TNS4: variants seen among roughly 807,000 people sequenced by gnomAD.
TNS4 encodes tensin-4.
Under a neutral mutation model 70.4 loss-of-function variants are expected in TNS4, and 46 were observed. That is an observed-to-expected ratio of 0.65 (90% CI 0.52 to 0.84). The LOEUF is 0.84. Among genes scored for constraint, TNS4 ranks in the 40% least tolerant of loss-of-function variants. The probability of loss-of-function intolerance (pLI) is 0.00; values close to 1 mark genes in which losing one functional copy is unlikely to be tolerated. For synonymous variants in TNS4, 390 were observed against 366.6 expected, an observed-to-expected ratio of 1.06 and a Z score of -0.73; for missense variants, 863 against 907.0, an observed-to-expected ratio of 0.95 and a Z score of 0.62.
intron 10 of TNS4, among the ~76,000 whole-genome samples, chr17:40,479,357 G>C (rs2035891281): frequency 6.6e-6 from 1 of 152,136 alleles, no homozygotes; most frequent in African/African-American, 2.4e-5. Context: ...ATGTTGACCA[G>C]GCTGGTCTCG....
At chr17:40,479,208 C>T (rs1456510319) in intron 10 of TNS4, among the ~76,000 whole-genome samples, 7 of 152,240 alleles carry the variant, frequency 4.6e-5, no homozygotes, top group African/African-American at 1.2e-4. Context: ...AGTGCAATGG[C>T]GTGCTCTCAG....
At position 40,476,260 on chromosome 17, in the gene TNS4, G is replaced by C. The variant is rs1415251692; in HGVS notation, c.*1328C>G. 2 of 151,970 alleles carry C rather than the reference G, an allele frequency of 1.3e-5. No individual in the cohort carries two copies. The highest frequency in any genetic ancestry group is 3.9e-4 in the East Asian group (2 of 5,168). 9.4% of individuals were successfully genotyped at this position (151,970 alleles called of 1,614,324 possible). A position where few individuals can be genotyped will look rare whatever the true frequency, so the allele number is the denominator to read the frequency against. On this transcript the variant is annotated 3_prime_UTR_variant, in exon 13 of 13. Transcript: ENST00000254051. ...GTGGGGTGGGGGTGGGTGTGGGATAGAGCCCAGCTCCTCCAAGCCTCTTAG... is the reference window on the plus strand; with the variant it reads ...GTGGGGTGGGGGTGGGTGTGGGATACAGCCCAGCTCCTCCAAGCCTCTTAG...
rs1453730926 is a variant in TNS4, at chr17:40,482,373, C to T, written c.1545G>A (p.Ser515=). 26 of 1,613,996 alleles carry T rather than the reference C, an allele frequency of 1.6e-5. No homozygotes were observed. Among genetic ancestry groups the T allele is most frequent in the African/African-American group, 9.3e-5 (7 of 74,920 alleles). ...CTTTGAGATGCACTCCTTTGGCAGACGACTCGATGAGGAAGTGTCGGATGA... is the reference window on the plus strand; with the variant it reads ...CTTTGAGATGCACTCCTTTGGCAGATGACTCGATGAGGAAGTGTCGGATGA... ...NDLIRHFLIE[S]SAKGVHLKGA... The change falls in exon 7 of 13, where the codon TCG becomes TCA. Residue 515 remains serine (S), a synonymous_variant. Coordinates refer to ENST00000254051, the MANE Select transcript of TNS4 (RefSeq NM_032865.6).
In TNS4 at chr17:40,479,834, TGTG is replaced by T; in HGVS notation, c.1747_1749del (p.His583del). On this transcript the variant is annotated inframe_deletion, in exon 10 of 13. Coordinates refer to ENST00000254051, the MANE Select transcript of TNS4 (RefSeq NM_032865.6). ...ACGCTCACTGAGCTCAGGTACAGGG[TGTG>T]GCAGCCTGTGGGAGGCAGACACTGC... 1.2e-6 allele frequency: 2 copies of T among 1,610,222 alleles called. No individual in the cohort carries two copies. The highest frequency in any genetic ancestry group is 1.7e-6 in the Non-Finnish European group (2 of 1,178,558).
rs2035968226 is a variant in TNS4 at position 40,484,625 on chromosome 17, A to C, written c.1376-16T>G. ...AGCTCGATTGCTGGAACAATCCTTG[A>C]GTCAGAGATGGACACCGCCCCACCT... On this transcript the variant is annotated splice_polypyrimidine_tract_variant and intron_variant, in intron 5 of 12. Coordinates refer to ENST00000254051, the MANE Select transcript of TNS4 (RefSeq NM_032865.6). 6.2e-7 allele frequency: 1 copy of C among 1,610,976 alleles called. No individual in the cohort carries two copies. Among genetic ancestry groups the C allele is most frequent in the Non-Finnish European group, 8.5e-7 (1 of 1,179,934 alleles).
At chr17:40,486,532 A>AT (rs78348746) in intron 4 of TNS4, among the ~76,000 whole-genome samples, 3,260 of 131,990 alleles carry the variant, frequency 0.025, 86 homozygotes, top group African/African-American at 0.061. Context: ...GGCAAATTCC[A>AT]TTTTTTTTTT....
At chr17:40,479,895 C>T in intron 9 of TNS4, 53 bp from the exon 10 acceptor site, 1 of 1,546,764 alleles carries the variant, frequency 6.5e-7, no homozygotes, top group East Asian at 2.4e-5. Context: ...CCAGGTTCTC[C>T]CTCTGCCCAG....
intron 4 of TNS4, among the ~76,000 whole-genome samples, chr17:40,485,484 A>G (rs1567810600): frequency 6.6e-6 from 1 of 152,360 alleles, no homozygotes; most frequent in East Asian, 1.9e-4. Context: ...TCTGGGCAGA[A>G]AAACATGCCC....
At chr17:40,492,518 C>T (rs2036087232) in intron 2 of TNS4, among the ~76,000 whole-genome samples, 2 of 152,168 alleles carry the variant, frequency 1.3e-5, no homozygotes, top group East Asian at 3.9e-4. Context: ...CAAGTTCATG[C>T]CATCACACCC....
intron 1 of TNS4, among the ~76,000 whole-genome samples, chr17:40,497,330 G>A (rs777075946): frequency 5.9e-5 from 9 of 152,168 alleles, no homozygotes; most frequent in East Asian, 3.8e-4. Flanking sequence ...TGAGCTGGGC[G>A]TGATGGCTCA....
At chr17:40,479,926 C>A in intron 9 of TNS4, 84 bp from the exon 10 acceptor site, 1 of 1,463,744 alleles carries the variant, frequency 6.8e-7, no homozygotes, top group Non-Finnish European at 9.1e-7. Flanking sequence ...GGGGGTGAGT[C>A]TCCTGTTCAG....
intron 9 of TNS4, 79 bp downstream of exon 9, chr17:40,480,621 T>G (rs1481167774): frequency 7.4e-7 from 1 of 1,343,712 alleles, no homozygotes; most frequent in African/African-American, 1.5e-5. Flanking sequence ...TGTGCGTGCA[T>G]GCGTGCGTGT....
chr17:40,485,139 T>A, intron 4 of TNS4, 132 bp from the exon 5 acceptor site: 1 of 707,016 alleles, frequency 1.4e-6, no homozygotes, highest in Non-Finnish European at 2.4e-6. Flanking sequence ...TCCCAGACCC[T>A]AACCCCATTG....
At chr17:40,495,213 T>C (rs975950438) in intron 2 of TNS4, among the ~76,000 whole-genome samples, 4 of 152,328 alleles carry the variant, frequency 2.6e-5, no homozygotes, top group Admixed American at 2.0e-4. Context: ...CCAATTATTT[T>C]ACGACAGTGT....
rs144736282 is a variant in TNS4, at chr17:40,480,738, G to A, written c.1703C>T (p.Ser568Phe). 6 of 1,593,606 alleles carry A rather than the reference G, an allele frequency of 3.8e-6. No individual in the cohort carries two copies. In the African/African-American group the frequency reaches 4.1e-5, roughly 11 times the overall value. Residue 568 changes from serine (S) to phenylalanine (F), a missense_variant, in exon 9 of 13, where the codon TCT (serine) becomes TTT (phenylalanine). By Grantham distance (155) the Ser-to-Phe change is radical (BLOSUM62 -2). Transcript: ENST00000254051. ...ELGGADGASD[S>F]TDSPASCQKK... ...CTGGCAGGAGGCTGGGCTGTCTGTA[G>A]AGTCCGAGGCCCCATCTGCACCTCC...
chr17:40,493,864 C>A (rs1567814079), intron 2 of TNS4, among the ~76,000 whole-genome samples: 1 of 152,268 alleles, frequency 6.6e-6, no homozygotes, highest in Non-Finnish European at 1.5e-5. Context: ...TTTGCCCCAG[C>A]TGGCCTTGGA....
rs200585789 is a variant in TNS4, at chr17:40,477,591, C to T, written c.2145G>A (p.Met715Ile). 6.2e-7 allele frequency: 1 copy of T among 1,614,040 alleles called. No homozygotes were observed. The highest frequency in any genetic ancestry group is 1.7e-5 in the Admixed American group (1 of 60,016). Residue 715 changes from methionine (M) to isoleucine (I), a missense_variant, in exon 13 of 13, where the codon ATG (methionine) becomes ATA (isoleucine). By Grantham distance (10) the Met-to-Ile change is conservative (BLOSUM62 1). Coordinates refer to ENST00000254051, the MANE Select transcript of TNS4 (RefSeq NM_032865.6). Reference protein sequence around the residue: ...VTALLQDAERM With the variant: ...VTALLQDAERI ...AGGTGCACAGGCAGTCTCTCCCCTACATCCTTTCTGCGTCCTGCAGCAGAG... is the reference window on the plus strand; with the variant it reads ...AGGTGCACAGGCAGTCTCTCCCCTATATCCTTTCTGCGTCCTGCAGCAGAG...
intron 10 of TNS4, 55 bp from the exon 11 acceptor site, chr17:40,478,703 C>T (rs1411652895): frequency 3.2e-6 from 5 of 1,583,028 alleles, no homozygotes; most frequent in Admixed American, 1.7e-5. Context: ...CAGTGTCATC[C>T]TGCCTCCAGC....
chr17:40,482,796 TC>T (rs1304241533), intron 6 of TNS4, among the ~76,000 whole-genome samples: 1 of 151,436 alleles, frequency 6.6e-6, no homozygotes, highest in Non-Finnish European at 1.5e-5. Context: ...AAAAAAAAAT[TC>T]CACCTTGTCC....
Sources: allele counts gnomAD v4.1 joint callset (sites outside exome capture counted in the v4.1 genomes callset), GRCh38; gene constraint gnomAD v4.1.1; transcripts MANE v1.5; gene names NCBI Gene and HGNC (gene_info 2026-07-23, HGNC 2026-07-21).